TBL1X: variants seen among roughly 807,000 people sequenced by gnomAD.
The protein encoded by TBL1X is F-box-like/WD repeat-containing protein TBL1X.
TBL1X carries 10 observed loss-of-function variants against 50.7 expected under a neutral mutation model. The observed-to-expected ratio is 0.20, with a 90% CI of 0.12 to 0.33. TBL1X has a LOEUF of 0.33. TBL1X is among the 10% of genes least tolerant of loss of function. The pLI is 1.00. For synonymous variants in TBL1X, 190 were observed against 214.7 expected (o/e 0.88, Z 1.01); for missense variants, 340 against 504.4 (o/e 0.67, Z 3.12).
chrX:9,705,099 C>T lies in TBL1X; in HGVS notation c.1221C>T (p.Thr407=), dbSNP rs376563377. The T allele has an allele frequency of 4.0e-5, 49 of 1,210,739 alleles. No homozygotes were observed. Among genetic ancestry groups the T allele is most frequent in the Non-Finnish European group, 5.2e-5 (47 of 895,434 alleles). ...CRLGCDRPVK[T]FQGHTNEVNA... is the part of the protein sequence containing the mutation. Reference sequence around the variant, plus strand: ...TCGGCTGTGACCGCCCAGTCAAAACCTTCCAGGGACACACAGTAAGTGAGA... The same window carrying T: ...TCGGCTGTGACCGCCCAGTCAAAACTTTCCAGGGACACACAGTAAGTGAGA... The change falls in exon 13 of 18, where the codon ACC becomes ACT. Residue 407 remains threonine, a synonymous_variant. Coordinates refer to ENST00000645353, the MANE Select transcript of TBL1X (RefSeq NM_005647.4).
chrX:9,610,023 C>A (rs16998757), intron 2 of TBL1X, among the ~76,000 whole-genome samples: 2,164 of 112,672 alleles, frequency 0.019, 57 homozygotes, highest in African/African-American at 0.066. Flanking sequence ...TTTGCTGGTC[C>A]ATTAGCCTCC....
At position 9,578,710 on chromosome X, in the gene TBL1X, A is replaced by G. The variant is rs763353229; in HGVS notation, c.-130-61563A>G. Among the ~76,000 whole-genome samples, 7 of 111,958 alleles carry G rather than the reference A, an allele frequency of 6.3e-5. No homozygotes were observed. The South Asian group carries it at 2.2e-3, about 36-fold the overall frequency. ...TGGAATTGAATTGGCTGTTTCTTTT[A>G]AAGATACTGCAAATTGCGGCAGCAT... On this transcript the variant is annotated intron_variant, in intron 2 of 17. Transcript: ENST00000645353.
intron 13 of TBL1X, among the ~76,000 whole-genome samples, chrX:9,708,204 C>T (rs991089862): frequency 1.8e-4 from 20 of 111,566 alleles, no homozygotes; most frequent in African/African-American, 4.6e-4. Context: ...ATGCCTGTCC[C>T]GGTAGTGTCC....
chrX:9,606,555 C>T (rs994733579), intron 2 of TBL1X, among the ~76,000 whole-genome samples: 4 of 110,855 alleles, frequency 3.6e-5, no homozygotes, highest in East Asian at 5.7e-4. Flanking sequence ...TGGCGCATGG[C>T]TGTAGTTGCT....
intron 2 of TBL1X, among the ~76,000 whole-genome samples, chrX:9,589,654 G>A (rs2082489198): frequency 9.0e-6 from 1 of 110,798 alleles, no homozygotes; most frequent in South Asian, 3.9e-4. Flanking sequence ...TTTTAAAATG[G>A]CCATTTTTAA....
At chrX:9,483,556 C>G (rs1170200898) in intron 1 of TBL1X, among the ~76,000 whole-genome samples, 1 of 111,452 alleles carries the variant, frequency 9.0e-6, no homozygotes, top group Non-Finnish European at 1.9e-5. Context: ...TAACTCCCCC[C>G]AACAAGAGCT....
chrX:9,697,328 C>A lies in TBL1X; in HGVS notation c.1054-41C>A, dbSNP rs2239411. The A allele has an allele frequency of 0.41, 487,992 of 1,198,530 alleles. 68,741 individuals carry two copies. Among genetic ancestry groups the A allele is most frequent in the Admixed American group, 0.47 (20,359 of 43,361 alleles). ...TAAATGTTTCCAGAGAAAACTTTGCCAGAATAGTTACTAACTTTTTCCTTT... is the reference window on the plus strand; with the variant it reads ...TAAATGTTTCCAGAGAAAACTTTGCAAGAATAGTTACTAACTTTTTCCTTT... On this transcript the variant is annotated intron_variant, in intron 11 of 17. Coordinates refer to ENST00000645353, the MANE Select transcript of TBL1X (RefSeq NM_005647.4).
chrX:9,669,997 T>C, intron 5 of TBL1X, among the ~76,000 whole-genome samples: 1 of 111,935 alleles, frequency 8.9e-6, no homozygotes, highest in Middle Eastern at 4.6e-3. Flanking sequence ...ATTTAGTTTA[T>C]AGTTTCAATG....
At position 9,692,220 on chromosome X, in the gene TBL1X, C is replaced by T; in HGVS notation, c.857C>T (p.Pro286Leu). ...HCIREGGHDV[P>L]SNKDVTSLDW... Reference sequence around the variant, plus strand: ...ATACGAGAGGGGGGCCATGACGTCCCGAGTAACAAAGACGTCACCTCACTG... The same window carrying T: ...ATACGAGAGGGGGGCCATGACGTCCTGAGTAACAAAGACGTCACCTCACTG... Residue 286 changes from proline (P) to leucine (L), a missense_variant, in exon 9 of 18, where the codon CCG (proline) becomes CTG (leucine). This residue lies in a region of TBL1X where 170 missense variants were observed against 272.6 expected (regional missense o/e 0.62). Transcript: ENST00000645353. 8.3e-7 allele frequency: 1 copy of T among 1,199,109 alleles called. No homozygotes were observed. The highest frequency in any genetic ancestry group is 1.1e-6 in the Non-Finnish European group (1 of 891,061).
chrX:9,483,488 G>A (rs1378948473), intron 1 of TBL1X, among the ~76,000 whole-genome samples: 3 of 111,813 alleles, frequency 2.7e-5, no homozygotes, highest in East Asian at 2.8e-4. Context: ...TGGTGGTCAC[G>A]TTCATCCGTG....
At chrX:9,553,085 G>A (rs1305968400) in intron 2 of TBL1X, among the ~76,000 whole-genome samples, 1 of 111,711 alleles carries the variant, frequency 9.0e-6, no homozygotes, top group Non-Finnish European at 1.9e-5. Flanking sequence ...TTAGGCTGTA[G>A]TGAGCCATGT....
At chrX:9,463,333 A>T (rs1279823468), upstream of TBL1X, 1 of 111,410 alleles carries the variant, frequency 9.0e-6, no homozygotes, top group East Asian at 2.8e-4. Context: ...GCACAAGCCC[A>T]GGGAGCCCAG....
At chrX:9,696,921 G>A (rs752682274) in intron 11 of TBL1X, among the ~76,000 whole-genome samples, 1 of 112,092 alleles carries the variant, frequency 8.9e-6, no homozygotes, top group Non-Finnish European at 1.9e-5. Context: ...CAGGGTCATC[G>A]CCAAGGTCTG....
At chrX:9,713,007 G>C (rs913368443) in intron 16 of TBL1X, among the ~76,000 whole-genome samples, 28 of 111,313 alleles carry the variant, frequency 2.5e-4, no homozygotes, top group African/African-American at 9.2e-4. Context: ...GTTCCTTTTG[G>C]CTTGGTTGAC....
chrX:9,709,605 C>A, intron 14 of TBL1X, 28 bp from the exon 15 acceptor site: 1 of 1,206,374 alleles, frequency 8.3e-7, no homozygotes, highest in Non-Finnish European at 1.1e-6. Flanking sequence ...ATGGCTTTTG[C>A]TCATGTTGTG....
chrX:9,545,510 A>G (rs927086449), intron 2 of TBL1X, among the ~76,000 whole-genome samples: 40 of 107,668 alleles, frequency 3.7e-4, no homozygotes, highest in African/African-American at 1.2e-3. Context: ...GCGCCACTGC[A>G]CTCCATCCTG....
At chrX:9,618,051 C>T (rs2082648103) in intron 2 of TBL1X, among the ~76,000 whole-genome samples, 1 of 111,581 alleles carries the variant, frequency 9.0e-6, no homozygotes, top group African/African-American at 3.3e-5. Flanking sequence ...TGCCAGATGT[C>T]CCAGGATGCC....
At chrX:9,700,067 T>G (rs768372854) in intron 12 of TBL1X, among the ~76,000 whole-genome samples, 1 of 112,461 alleles carries the variant, frequency 8.9e-6, no homozygotes, top group Admixed American at 9.4e-5. Context: ...CTGTGATCTG[T>G]GTGTCATCTC....
At chrX:9,705,657 G>A (rs992715928) in intron 13 of TBL1X, among the ~76,000 whole-genome samples, 14 of 105,535 alleles carry the variant, frequency 1.3e-4, no homozygotes, top group African/African-American at 4.9e-4. Context: ...GGAGCTGAAG[G>A]CTGCAGTGAG....
Sources: gnomAD v4.1 joint callset for allele counts (sites outside exome capture counted in the v4.1 genomes callset) on GRCh38, gnomAD v4.1.1 for gene constraint, gnomAD v4.1.1 regional missense constraint, MANE v1.5 for transcripts, NCBI Gene and HGNC (gene_info 2026-07-23, HGNC 2026-07-21) for gene names.